The following TRPM7 variants were observed in gnomAD, a reference collection of about 807,000 sequenced individuals.
TRPM7 encodes LTRPC ion channel family member 7.
In TRPM7, 134 loss-of-function variants were observed where a neutral mutation model predicts 229.7. That is an observed-to-expected ratio of 0.58 (90% CI 0.51 to 0.67). The LOEUF is 0.67. TRPM7 is among the 30% of genes least tolerant of loss of function. The pLI, the probability that TRPM7 is intolerant of heterozygous loss-of-function variation, is 0.00. For synonymous variants in TRPM7, 699 were observed against 715.2 expected, an observed-to-expected ratio of 0.98 and a Z score of 0.36; for missense variants, 1,901 against 2,210.0, an observed-to-expected ratio of 0.86 and a Z score of 2.80.
At chr15:50,653,581 T>G (rs1249096541) in intron 3 of TRPM7, among the ~76,000 whole-genome samples, 2 of 151,994 alleles carry the variant, frequency 1.3e-5, no homozygotes, top group African/African-American at 4.8e-5. Context: ...ACACATGAGG[T>G]AAACCCCCAT....
rs768352156 is a variant in TRPM7, at chr15:50,663,033, C to T, written c.17G>A (p.Trp6Ter). Residue 6 changes from tryptophan (W) to a stop codon, truncating the protein, a stop_gained, in exon 2 of 39, where the codon TGG (tryptophan) becomes TAG (stop). Transcript: ENST00000646667. LOFTEE classifies it high-confidence loss of function. ...CCTCTTGGTCAAAGTGCTTTCTATC[C>T]AGGATTTCTGGGACTAAAACAAAAT... The part of the protein sequence containing the change: MSQKS[W>*]IESTLTKREC... 4 of 1,613,254 alleles carry T rather than the reference C, an allele frequency of 2.5e-6. No homozygotes were observed. Among genetic ancestry groups the T allele is most frequent in the Non-Finnish European group, 3.4e-6 (4 of 1,179,632 alleles).
At chr15:50,586,888 T>C (rs1367530822) in intron 27 of TRPM7, among the ~76,000 whole-genome samples, 3 of 152,016 alleles carry the variant, frequency 2.0e-5, no homozygotes, top group Non-Finnish European at 4.4e-5. Flanking sequence ...TGGTGGCGCA[T>C]GCCTGTAGTC....
intron 1 of TRPM7, among the ~76,000 whole-genome samples, chr15:50,683,647 G>T (rs535927873): frequency 2.0e-5 from 3 of 152,032 alleles, no homozygotes; most frequent in Admixed American, 6.6e-5. Context: ...CAGCAGAATC[G>T]CTTGAACCAG....
At chr15:50,599,341 C>T in intron 21 of TRPM7, 45 bp from the exon 22 acceptor site, 1 of 1,397,666 alleles carries the variant, frequency 7.2e-7, no homozygotes, top group African/African-American at 1.4e-5. Context: ...AGTTTAAACA[C>T]TATGACAAAT....
chr15:50,644,811 A>AG (rs1567071865), intron 4 of TRPM7, among the ~76,000 whole-genome samples: 1 of 132,212 alleles, frequency 7.6e-6, no homozygotes, highest in Non-Finnish European at 1.7e-5. Context: ...AAAAAAAAAA[A>AG]AAAAAAAAAA....
At chr15:50,634,358 A>T (rs773115159) in intron 8 of TRPM7, 24 bp downstream of exon 8, 18 of 1,443,922 alleles carry the variant, frequency 1.2e-5, no homozygotes, top group Non-Finnish European at 1.6e-5. Flanking sequence ...AATAAAATTA[A>T]TTAAAATGTT....
intron 1 of TRPM7, among the ~76,000 whole-genome samples, chr15:50,664,017 T>C (rs1214845303): frequency 4.6e-5 from 7 of 151,736 alleles, no homozygotes; most frequent in Admixed American, 4.6e-4. Context: ...TTGACAGATT[T>C]GGCCGCGTGC....
intron 35 of TRPM7, 21 bp from the exon 36 acceptor site, chr15:50,574,500 A>G: frequency 6.3e-7 from 1 of 1,584,826 alleles, no homozygotes; most frequent in Non-Finnish European, 8.6e-7. Flanking sequence ...ATAGTTATAA[A>G]TATTACTAGC....
At chr15:50,637,786 T>G (rs1399971788) in intron 6 of TRPM7, among the ~76,000 whole-genome samples, 193 bp from the exon 7 acceptor site, 1 of 152,248 alleles carries the variant, frequency 6.6e-6, no homozygotes, top group Admixed American at 6.5e-5. Context: ...ATTAATGGGT[T>G]GAAACACATG....
intron 3 of TRPM7, among the ~76,000 whole-genome samples, chr15:50,653,382 A>G (rs1310234869): frequency 2.0e-5 from 3 of 152,238 alleles, no homozygotes; most frequent in Non-Finnish European, 2.9e-5. Context: ...TCAACAGATA[A>G]CATAATACTT....
rs778054113 is a variant in TRPM7, at chr15:50,570,153, C to T, written c.5311G>A (p.Val1771Ile). ...GATGGGTCAGTCAAATTTTCACCAACACCTTTATATGTGTATATAAAAAAG... is the reference window on the plus strand; with the variant it reads ...GATGGGTCAGTCAAATTTTCACCAATACCTTTATATGTGTATATAAAAAAG... The part of the protein sequence containing the change: ...GELLVLDLQG[V>I]GENLTDPSVI... Residue 1771 changes from valine (V) to isoleucine (I), a missense_variant and splice_region_variant, in exon 37 of 39, where the codon GTT becomes ATT. Physicochemically the swap from Val to Ile is conservative, Grantham distance 29 (BLOSUM62 3). This residue lies in a region of TRPM7 where 257 missense variants were observed against 352.0 expected (regional missense o/e 0.73). Coordinates refer to ENST00000646667, the MANE Select transcript of TRPM7 (RefSeq NM_017672.6). The T allele has an allele frequency of 3.7e-6, 6 of 1,605,878 alleles. No homozygotes were observed. The highest frequency in any genetic ancestry group is 3.4e-5 in the Admixed American group (2 of 59,420).
rs189891720 is a variant in TRPM7 at position 50,587,209 on chromosome 15, T to C, written c.4390-721A>G. Among the ~76,000 whole-genome samples, 28 of 152,206 alleles carry C rather than the reference T, an allele frequency of 1.8e-4. No homozygotes were observed. In the East Asian group the frequency reaches 4.8e-3, roughly 26 times the overall value. ...TTCCTTTTGGGGATCTTGGTAACTT[T>C]CTTATTGCTTTGTATGAGCTATTTA... On this transcript the variant is annotated intron_variant, in intron 27 of 38. Transcript: ENST00000646667.
intron 36 of TRPM7, among the ~76,000 whole-genome samples, chr15:50,572,423 C>G (rs1168196895): frequency 6.6e-6 from 1 of 152,214 alleles, no homozygotes. Flanking sequence ...TTAGATAATT[C>G]TTACTATTTT....
Position 50,619,790 on chromosome 15 carries a change from A to G in TRPM7, c.1449T>C (p.Gly483=), listed in dbSNP as rs774728117. Residue 483 remains glycine, a synonymous_variant, in exon 13 of 39, where the codon GGT becomes GGC. Coordinates refer to ENST00000646667, the MANE Select transcript of TRPM7 (RefSeq NM_017672.6). The part of the protein sequence containing the change: ...RLEELYNTKQ[G]PTNPMLFHLV... ...GATGAAACAGCATTGGATTAGTTGG[A>G]CCTTGTTTCTTTAGGGAGAAAAAGT... is the stretch of plus-strand genomic sequence containing the variant. 5 of 1,602,454 alleles carry G rather than the reference A, an allele frequency of 3.1e-6. No homozygotes were observed. Among genetic ancestry groups the G allele is most frequent in the Non-Finnish European group, 4.2e-6 (5 of 1,176,836 alleles).
chr15:50,682,574 C>T, intron 1 of TRPM7, among the ~76,000 whole-genome samples: 1 of 145,020 alleles, frequency 6.9e-6, no homozygotes, highest in Non-Finnish European at 1.5e-5. Context: ...GAAACTCCAT[C>T]TCAAAAAAAA....
At chr15:50,673,799 G>A (rs1021496066) in intron 1 of TRPM7, among the ~76,000 whole-genome samples, 1 of 152,118 alleles carries the variant, frequency 6.6e-6, no homozygotes, top group African/African-American at 2.4e-5. Context: ...ACCCAGTAGT[G>A]GGACTGCTGT....
At chr15:50,585,048 G>GTTTTTTTTT (rs1488163306) in intron 28 of TRPM7, among the ~76,000 whole-genome samples, 2 of 85,788 alleles carry the variant, frequency 2.3e-5, no homozygotes, top group Admixed American at 1.5e-4. Context: ...GCTAATTTTT[G>GTTTTTTTTT]TATTTTTTTT....
intron 26 of TRPM7, among the ~76,000 whole-genome samples, chr15:50,591,292 T>C (rs925413853): frequency 2.6e-5 from 4 of 152,178 alleles, no homozygotes; most frequent in African/African-American, 7.2e-5. Flanking sequence ...TAGGGCACTG[T>C]TCTTTTCCAG....
intron 10 of TRPM7, among the ~76,000 whole-genome samples, chr15:50,631,086 C>A (rs1567043622): frequency 6.6e-6 from 1 of 152,114 alleles, no homozygotes; most frequent in Non-Finnish European, 1.5e-5. Flanking sequence ...CTTTGGCTCC[C>A]AAAGTGTTGG....
Sources: gnomAD v4.1 joint callset for allele counts (sites outside exome capture counted in the v4.1 genomes callset) on GRCh38, gnomAD v4.1.1 for gene constraint, gnomAD v4.1.1 regional missense constraint, MANE v1.5 for transcripts, NCBI Gene and HGNC (gene_info 2026-07-23, HGNC 2026-07-21) for gene names.